Variants in SYT16 observed in about 807,000 individuals in gnomAD.
SYT16 encodes the protein synaptotagmin 16.
SYT16 carries 42 observed loss-of-function variants against 61.4 expected under a neutral mutation model. The ratio of observed to expected loss-of-function variants is 0.68; its 90% confidence interval spans 0.53 to 0.89. The LOEUF (loss-of-function observed/expected upper bound fraction) is 0.89. SYT16 is among the 40% of genes least tolerant of loss of function. The pLI is 0.00. For missense variants in SYT16, 804 were observed against 807.3 expected (o/e 1.00, Z 0.05); for synonymous variants, 314 against 302.3 (o/e 1.04, Z -0.40).
rs535560547 is a variant in SYT16, at chr14:62,095,675, T to G, written c.1625-4719T>G. On this transcript the variant is annotated intron_variant, in intron 7 of 7. Transcript: ENST00000683842. ...ATATTCCATATTGTAAAAACAACAG[T>G]TTTTTTTCCACATTATATGTCCAGT... is the stretch of plus-strand genomic sequence containing the variant. 6.3e-4 allele frequency among the ~76,000 whole-genome samples: 95 copies of G among 151,880 alleles called. 1 individual carries two copies. The highest frequency in any genetic ancestry group is 2.2e-3 in the African/African-American group (92 of 41,490).
chr14:61,852,096 A>G (rs148171902), intron 1 of SYT16, among the ~76,000 whole-genome samples: 111 of 152,186 alleles, frequency 7.3e-4, no homozygotes, highest in African/African-American at 2.3e-3. Flanking sequence ...ATTTTTGTCT[A>G]TGGTTTAAGG....
At chr14:61,876,235 A>G (rs2047486483) in intron 1 of SYT16, among the ~76,000 whole-genome samples, 1 of 152,246 alleles carries the variant, frequency 6.6e-6, no homozygotes, top group Non-Finnish European at 1.5e-5. Context: ...TACATATAAA[A>G]TCAAGAGTAC....
At chr14:61,947,030 C>T (rs1490910646) in intron 1 of SYT16, among the ~76,000 whole-genome samples, 1 of 151,940 alleles carries the variant, frequency 6.6e-6, no homozygotes, top group African/African-American at 2.4e-5. Flanking sequence ...GGGTGGTATA[C>T]AGTGAGGTCC....
At chr14:62,090,950 A>G (rs2057050209) in intron 7 of SYT16, among the ~76,000 whole-genome samples, 1 of 152,126 alleles carries the variant, frequency 6.6e-6, no homozygotes, top group African/African-American at 2.4e-5. Context: ...AGATTTATTC[A>G]CTATCATGAG....
At chr14:61,893,021 G>T (rs1251852146) in intron 1 of SYT16, among the ~76,000 whole-genome samples, 1 of 152,094 alleles carries the variant, frequency 6.6e-6, no homozygotes, top group African/African-American at 2.4e-5. Flanking sequence ...TTCACTTCCA[G>T]GGCATCAATA....
intron 1 of SYT16, among the ~76,000 whole-genome samples, chr14:61,938,573 T>TG (rs999445265): frequency 1.3e-5 from 2 of 152,112 alleles, no homozygotes; most frequent in Admixed American, 1.3e-4. Flanking sequence ...AGGCTTCCTT[T>TG]GGGGGCACAG....
chr14:62,034,153 G>A (rs935931698), intron 3 of SYT16, among the ~76,000 whole-genome samples: 4 of 152,160 alleles, frequency 2.6e-5, no homozygotes, highest in Admixed American at 2.6e-4. Context: ...ACTATGAGGT[G>A]CCACCTTGTA....
chr14:61,818,405 C>T (rs1256684407), intron 1 of SYT16, among the ~76,000 whole-genome samples: 1 of 152,090 alleles, frequency 6.6e-6, no homozygotes, highest in Admixed American at 6.5e-5. Context: ...AGCAGCCAGG[C>T]GCGGTGGCTC....
intron 3 of SYT16, among the ~76,000 whole-genome samples, chr14:62,004,382 C>G (rs1222731478): frequency 6.6e-6 from 1 of 152,080 alleles, no homozygotes; most frequent in African/African-American, 2.4e-5. Context: ...CAATCACCTC[C>G]CACCTTGTCC....
At chr14:61,832,573 A>C (rs1004119091) in intron 1 of SYT16, among the ~76,000 whole-genome samples, 1 of 152,028 alleles carries the variant, frequency 6.6e-6, no homozygotes, top group African/African-American at 2.4e-5. Flanking sequence ...AGTAGCTGGG[A>C]TTGCAGGTAC....
chr14:61,856,446 T>C (rs1447623038), intron 1 of SYT16, among the ~76,000 whole-genome samples: 4 of 152,158 alleles, frequency 2.6e-5, no homozygotes, highest in Non-Finnish European at 5.9e-5. Context: ...ATACATACTA[T>C]TTTGAGGATA....
intron 1 of SYT16, among the ~76,000 whole-genome samples, chr14:61,827,317 C>T (rs2045803336): frequency 6.6e-6 from 1 of 152,152 alleles, no homozygotes; most frequent in Non-Finnish European, 1.5e-5. Context: ...ATCAGCTAGC[C>T]TGTTGTGGCA....
chr14:61,869,473 A>G (rs1357571425), intron 1 of SYT16, among the ~76,000 whole-genome samples: 4 of 152,168 alleles, frequency 2.6e-5, no homozygotes, highest in African/African-American at 7.2e-5. Context: ...AAATTTATCA[A>G]CATCTACTTT....
chr14:62,050,570 T>A (rs1198037945), intron 3 of SYT16, among the ~76,000 whole-genome samples: 1 of 152,216 alleles, frequency 6.6e-6, no homozygotes, highest in Non-Finnish European at 1.5e-5. Context: ...GTTTGCAGTT[T>A]TTCTGCTCCG....
At chr14:61,940,873 G>A (rs1008823080) in intron 1 of SYT16, among the ~76,000 whole-genome samples, 7 of 152,120 alleles carry the variant, frequency 4.6e-5, no homozygotes, top group African/African-American at 1.4e-4. Context: ...AGGTCTGTAT[G>A]TTTTGCTTGC....
chr14:61,907,908 A>G (rs1228441256), intron 1 of SYT16, among the ~76,000 whole-genome samples: 1 of 152,214 alleles, frequency 6.6e-6, no homozygotes, highest in Non-Finnish European at 1.5e-5. Flanking sequence ...TGTTCCTACA[A>G]AGAGATTCAG....
intron 1 of SYT16, among the ~76,000 whole-genome samples, chr14:61,827,024 T>C (rs2140227366): frequency 6.6e-6 from 1 of 151,300 alleles, no homozygotes; most frequent in East Asian, 1.9e-4. Flanking sequence ...CTTATTTAAT[T>C]TGAACTACCT....
chr14:61,919,950 A>G (rs1594915653), intron 1 of SYT16, among the ~76,000 whole-genome samples: 2 of 50,972 alleles, frequency 3.9e-5, no homozygotes, highest in South Asian at 1.3e-3. Context: ...CTTGATACAC[A>G]TTTTATCACA....
At chr14:62,070,079 C>T (rs2056241386) in intron 4 of SYT16, among the ~76,000 whole-genome samples, 1 of 152,144 alleles carries the variant, frequency 6.6e-6, no homozygotes, top group African/African-American at 2.4e-5. Flanking sequence ...TTATTGGCCA[C>T]TTCTTCCTAA....
Sources: gnomAD v4.1 joint callset for allele counts (sites outside exome capture counted in the v4.1 genomes callset) on GRCh38, gnomAD v4.1.1 for gene constraint, MANE v1.5 for transcripts, NCBI Gene and HGNC (gene_info 2026-07-23, HGNC 2026-07-21) for gene names.